PTPRG: variants seen among roughly 807,000 people sequenced by gnomAD.
The protein encoded by PTPRG is receptor-type tyrosine-protein phosphatase gamma.
In PTPRG, 102 loss-of-function variants were observed where a neutral mutation model predicts 165.3. The observed-to-expected ratio is 0.62, with a 90% CI of 0.53 to 0.73. The LOEUF is 0.73. PTPRG is among the 30% of genes least tolerant of loss of function. The probability of loss-of-function intolerance (pLI) is 0.00; values close to 1 mark genes in which losing one functional copy is unlikely to be tolerated. For synonymous variants in PTPRG, 675 were observed against 669.5 expected (o/e 1.01, Z -0.13); for missense variants, 1,866 against 1,861.4 (o/e 1.00, Z -0.05).
chr3:61,911,288 T>A (rs560806069), intron 2 of PTPRG, among the ~76,000 whole-genome samples: 31 of 152,352 alleles, frequency 2.0e-4, no homozygotes, highest in Non-Finnish European at 5.9e-5. Context: ...TTCTCCTTAC[T>A]GTATTTTAAG....
intron 9 of PTPRG, 34 bp downstream of exon 9, chr3:62,191,687 C>T (rs774889354): frequency 2.1e-5 from 34 of 1,594,568 alleles, no homozygotes; most frequent in Non-Finnish European, 2.9e-5. Flanking sequence ...AGGGTACATG[C>T]TGCAGAGAGG....
At chr3:61,703,078 G>A (rs538395783) in intron 1 of PTPRG, among the ~76,000 whole-genome samples, 3 of 151,920 alleles carry the variant, frequency 2.0e-5, no homozygotes, top group East Asian at 1.9e-4. Context: ...GCCTTGGCTC[G>A]TTACCACTAC....
chr3:61,601,511 A>G lies in PTPRG; in HGVS notation c.85+39139A>G, dbSNP rs1214025307. Among the ~76,000 whole-genome samples, 5 of 152,308 alleles carry G rather than the reference A, an allele frequency of 3.3e-5. No individual in the cohort carries two copies. In the East Asian group the frequency reaches 9.7e-4, roughly 29 times the overall value. On this transcript the variant is annotated intron_variant, in intron 1 of 29. Transcript: ENST00000474889. ...TATTTATGGGCTCAAATCAGTGTTG[A>G]TGGTGTATTCTTTTGTTCACTTATT...
At chr3:61,681,405 T>A (rs750814118) in intron 1 of PTPRG, among the ~76,000 whole-genome samples, 1 of 152,232 alleles carries the variant, frequency 6.6e-6, no homozygotes, top group Non-Finnish European at 1.5e-5. Flanking sequence ...AATTGCAGCC[T>A]TCATTTACAG....
At position 62,235,807 on chromosome 3, in the gene PTPRG, C is replaced by T. The variant is rs573028119; in HGVS notation, c.2375+4496C>T. On this transcript the variant is annotated intron_variant, in intron 14 of 29. Coordinates refer to ENST00000474889, the MANE Select transcript of PTPRG (RefSeq NM_002841.4). ...TAGTATCTGTTTCCTCTTTCACACC[C>T]CATCCATCACTGCATGATTTTGTTC... Among the ~76,000 whole-genome samples the T allele has an allele frequency of 8.5e-5, 13 of 152,292 alleles. 1 individual carries two copies. In the South Asian group the frequency reaches 2.1e-3, roughly 24 times the overall value.
At chr3:62,073,465 A>T (rs1410387946) in intron 4 of PTPRG, among the ~76,000 whole-genome samples, 1 of 152,192 alleles carries the variant, frequency 6.6e-6, no homozygotes, top group Non-Finnish European at 1.5e-5. Flanking sequence ...TGCTGATATG[A>T]TGCACGGAGA....
At chr3:61,669,887 G>A (rs1165172842) in intron 1 of PTPRG, among the ~76,000 whole-genome samples, 1 of 152,166 alleles carries the variant, frequency 6.6e-6, no homozygotes, top group Non-Finnish European at 1.5e-5. Context: ...AATGCAGGTG[G>A]TGATCAGTGT....
chr3:61,973,394 A>T (rs2040428078), intron 2 of PTPRG, among the ~76,000 whole-genome samples: 1 of 152,196 alleles, frequency 6.6e-6, no homozygotes, highest in African/African-American at 2.4e-5. Flanking sequence ...TGCTTGCATC[A>T]TTCAGGGTTT....
chr3:61,903,899 C>A (rs1166935787), intron 2 of PTPRG, among the ~76,000 whole-genome samples: 20 of 152,278 alleles, frequency 1.3e-4, no homozygotes, highest in Non-Finnish European at 2.9e-4. Context: ...ACGGATGGCT[C>A]TTCCCACCCC....
rs186638511 is a variant in PTPRG, at chr3:61,593,493, G to A, written c.85+31121G>A. Among the ~76,000 whole-genome samples, 5 of 151,588 alleles carry A rather than the reference G, an allele frequency of 3.3e-5. No homozygotes were observed. The East Asian group carries it at 9.7e-4, about 29-fold the overall frequency. ...CATGGGTGGGAATTGCTGCATAAAGGCTTAAATCTATTCCTTAAAAACAAG... is the reference window on the plus strand; with the variant it reads ...CATGGGTGGGAATTGCTGCATAAAGACTTAAATCTATTCCTTAAAAACAAG... On this transcript the variant is annotated intron_variant, in intron 1 of 29. Coordinates refer to ENST00000474889, the MANE Select transcript of PTPRG (RefSeq NM_002841.4).
intron 4 of PTPRG, among the ~76,000 whole-genome samples, chr3:62,033,561 C>T (rs1699844259): frequency 6.9e-6 from 1 of 145,456 alleles, no homozygotes; most frequent in Non-Finnish European, 1.5e-5. Flanking sequence ...GAGATAGGGC[C>T]TCCCTGTGTT....
chr3:62,139,800 A>G (rs1703853646), intron 6 of PTPRG, among the ~76,000 whole-genome samples: 1 of 152,186 alleles, frequency 6.6e-6, no homozygotes, highest in African/African-American at 2.4e-5. Context: ...CTGCCCTGGG[A>G]CACCCATCAT....
At chr3:61,817,305 G>A (rs762255625) in intron 2 of PTPRG, among the ~76,000 whole-genome samples, 1 of 144,468 alleles carries the variant, frequency 6.9e-6, no homozygotes, top group Non-Finnish European at 1.5e-5. Context: ...TTTTTTAAAT[G>A]GTTCAACAAT....
At chr3:61,813,441 G>A (rs2035652263) in intron 2 of PTPRG, among the ~76,000 whole-genome samples, 8 of 150,470 alleles carry the variant, frequency 5.3e-5, no homozygotes, top group Admixed American at 4.0e-4. Flanking sequence ...ACTTGAACCA[G>A]GGAGGCAGAG....
At chr3:61,867,233 T>G (rs1030023359) in intron 2 of PTPRG, among the ~76,000 whole-genome samples, 1 of 152,114 alleles carries the variant, frequency 6.6e-6, no homozygotes, top group Non-Finnish European at 1.5e-5. Flanking sequence ...CCTGCGGCCC[T>G]CCTCCATGGC....
chr3:62,184,514 A>C (rs1417732215), intron 8 of PTPRG, among the ~76,000 whole-genome samples: 1 of 152,232 alleles, frequency 6.6e-6, no homozygotes, highest in East Asian at 1.9e-4. Context: ...TCCATATTTG[A>C]AGGTGATAAA....
At position 62,132,769 on chromosome 3, in the gene PTPRG, A is replaced by G. The variant is rs1273024114; in HGVS notation, c.682+101A>G. ...TTGCAGAGGACAGAGGGTGACACCT[A>G]TTCCTCATCCCCTGATGTTGAAGGG... On this transcript the variant is annotated intron_variant, in intron 6 of 29. Transcript: ENST00000474889. 6.6e-6 allele frequency: 7 copies of G among 1,055,184 alleles called. 1 individual carries two copies. In the Admixed American group the frequency reaches 1.2e-4, roughly 18 times the overall value. 65.4% of individuals were successfully genotyped at this position (1,055,184 alleles called of 1,614,324 possible). A position where few individuals can be genotyped will look rare whatever the true frequency, so the allele number is the denominator to read the frequency against.
Position 61,562,132 on chromosome 3 carries a change from C to A in PTPRG, c.-156C>A. The A allele has an allele frequency of 3.3e-6, 2 of 614,988 alleles. No individual in the cohort carries two copies. Among genetic ancestry groups the A allele is most frequent in the East Asian group, 2.8e-5 (1 of 35,704 alleles). 38.1% of individuals were successfully genotyped at this position (614,988 alleles called of 1,614,324 possible). A position where few individuals can be genotyped will look rare whatever the true frequency, so the allele number is the denominator to read the frequency against. Reference sequence around the variant, plus strand: ...TTCCGGGGGGCGCTCGGCGGCTTCCCGGATTCCAAGGGGACTCGGGCCGCC... The same window carrying A: ...TTCCGGGGGGCGCTCGGCGGCTTCCAGGATTCCAAGGGGACTCGGGCCGCC... On this transcript the variant is annotated 5_prime_UTR_variant, in exon 1 of 30. Transcript: ENST00000474889.
intron 4 of PTPRG, among the ~76,000 whole-genome samples, chr3:62,036,513 G>A (rs1699942838): frequency 6.6e-6 from 1 of 152,186 alleles, no homozygotes; most frequent in Non-Finnish European, 1.5e-5. Flanking sequence ...TGTGTGTGAT[G>A]CTTATGGTTT....
Sources: allele counts gnomAD v4.1 joint callset (sites outside exome capture counted in the v4.1 genomes callset), GRCh38; gene constraint gnomAD v4.1.1; transcripts MANE v1.5; gene names NCBI Gene and HGNC (gene_info 2026-07-23, HGNC 2026-07-21).